EMSY: variants seen among roughly 807,000 people sequenced by gnomAD.
EMSY encodes EMSY transcriptional repressor, BRCA2 interacting, also known as BRCA2-interacting transcriptional repressor EMSY.
In EMSY, 26 loss-of-function variants were observed where a neutral mutation model predicts 134.6. That is an observed-to-expected ratio of 0.19 (90% confidence interval 0.14 to 0.27). EMSY has a LOEUF of 0.27. Among genes scored for constraint, EMSY ranks in the 10% least tolerant of loss-of-function variants. The pLI is 1.00. For missense variants in EMSY, 1,305 were observed against 1,611.4 expected, an observed-to-expected ratio of 0.81 and a Z score of 3.26; for synonymous variants, 579 against 577.8, an observed-to-expected ratio of 1.00 and a Z score of -0.03.
chr11:76,498,717 A>C (rs1004379580), intron 9 of EMSY, among the ~76,000 whole-genome samples: 1 of 152,198 alleles, frequency 6.6e-6, no homozygotes, highest in Non-Finnish European at 1.5e-5. Flanking sequence ...ACTAGCCTGC[A>C]TTAGTATATT....
chr11:76,522,460 C>A (rs776026636), intron 11 of EMSY, among the ~76,000 whole-genome samples: 1 of 138,714 alleles, frequency 7.2e-6, no homozygotes, highest in Non-Finnish European at 1.5e-5. Context: ...CTCCACCTCC[C>A]GGGTTCAAGC....
Position 76,513,930 on chromosome 11 carries a change from C to A in EMSY, c.1513+395C>A, listed in dbSNP as rs145311237. On this transcript the variant is annotated intron_variant, in intron 10 of 20. Coordinates refer to ENST00000334736, the Ensembl canonical transcript of EMSY. Reference sequence around the variant, plus strand: ...CTGAATGAATTAAAACAGTCCCAACCCACAAGGATTTCACTCTGATGAAGT... The same window carrying A: ...CTGAATGAATTAAAACAGTCCCAACACACAAGGATTTCACTCTGATGAAGT... Among the ~76,000 whole-genome samples, 4 of 152,210 alleles carry A rather than the reference C, an allele frequency of 2.6e-5. No individual in the cohort carries two copies. In the East Asian group the frequency reaches 7.7e-4, roughly 29 times the overall value.
chr11:76,450,199 G>C (rs1195857825), intron 2 of EMSY, among the ~76,000 whole-genome samples: 1 of 151,978 alleles, frequency 6.6e-6, no homozygotes, highest in Non-Finnish European at 1.5e-5. Flanking sequence ...TATATATAAT[G>C]GGACTCAATA....
At chr11:76,531,588 A>G (rs1951042550) in intron 14 of EMSY, among the ~76,000 whole-genome samples, 1 of 152,168 alleles carries the variant, frequency 6.6e-6, no homozygotes, top group South Asian at 2.1e-4. Flanking sequence ...TGATGTTAAC[A>G]TTGATCACTT....
At chr11:76,482,718 A>C (rs1012693729) in intron 8 of EMSY, among the ~76,000 whole-genome samples, 4 of 152,166 alleles carry the variant, frequency 2.6e-5, no homozygotes, top group African/African-American at 7.2e-5. Flanking sequence ...GATGAAAAGG[A>C]ATGAACAAAG....
chr11:76,548,601 T>C (rs532908831), intron 20 of EMSY, among the ~76,000 whole-genome samples: 8 of 152,248 alleles, frequency 5.3e-5, no homozygotes, highest in Admixed American at 4.6e-4. Context: ...AGAAGTAGAG[T>C]GACTTACTCA....
At chr11:76,534,304 CTT>C (rs1951148153) in intron 14 of EMSY, among the ~76,000 whole-genome samples, 1 of 152,144 alleles carries the variant, frequency 6.6e-6, no homozygotes, top group Admixed American at 6.6e-5. Flanking sequence ...AATCAATTCT[CTT>C]AAGTTTAAAT....
intron 13 of EMSY, among the ~76,000 whole-genome samples, chr11:76,527,782 A>G (rs1465788730): frequency 6.6e-6 from 1 of 151,936 alleles, no homozygotes; most frequent in Non-Finnish European, 1.5e-5. Context: ...CTAATGAAAA[A>G]AAAAAAGAAA....
chr11:76,514,466 C>A (rs1950378916), intron 10 of EMSY, among the ~76,000 whole-genome samples: 1 of 152,104 alleles, frequency 6.6e-6, no homozygotes, highest in African/African-American at 2.4e-5. Flanking sequence ...CACTTCATAT[C>A]CTTTAGGCTT....
chr11:76,450,984 C>T (rs1406862627), intron 2 of EMSY, among the ~76,000 whole-genome samples: 2 of 149,542 alleles, frequency 1.3e-5, no homozygotes, highest in Non-Finnish European at 3.0e-5. Context: ...TTTTGTACAG[C>T]CAGAGTTTTG....
chr11:76,517,885 A>T (rs924007972), intron 11 of EMSY, among the ~76,000 whole-genome samples: 1 of 152,194 alleles, frequency 6.6e-6, no homozygotes, highest in East Asian at 1.9e-4. Flanking sequence ...TTATGTCTCT[A>T]TCTCTGCTTC....
At chr11:76,526,376 G>A (rs1466553923) in intron 12 of EMSY, 86 bp from the exon 14 acceptor site, 17 of 1,002,374 alleles carry the variant, frequency 1.7e-5, no homozygotes, top group Non-Finnish European at 2.2e-5. Context: ...TCATCATCCT[G>A]GTAAAACCTT....
chr11:76,490,216 G>A (rs865866472), intron 8 of EMSY, among the ~76,000 whole-genome samples: 3 of 145,900 alleles, frequency 2.1e-5, no homozygotes, highest in Admixed American at 6.9e-5. Context: ...TTATTTCCTC[G>A]ACTCGGTAGC....
At chr11:76,538,023 G>T (rs1389998061) in intron 16 of EMSY, 73 bp downstream of exon 17, 5 of 1,297,332 alleles carry the variant, frequency 3.9e-6, no homozygotes, top group African/African-American at 3.0e-5. Context: ...TGATTGTGTG[G>T]GGGAGAATAT....
At chr11:76,457,659 A>G (rs1365381604) in intron 4 of EMSY, among the ~76,000 whole-genome samples, 1 of 152,188 alleles carries the variant, frequency 6.6e-6, no homozygotes, top group Non-Finnish European at 1.5e-5. Context: ...GTTCTTTTCT[A>G]CTTAGGCTCC....
At chr11:76,459,831 C>T (rs1034204014) in intron 5 of EMSY, 102 bp from the exon 7 acceptor site, 11 of 1,358,238 alleles carry the variant, frequency 8.1e-6, no homozygotes, top group Admixed American at 1.9e-5. Flanking sequence ...GACTTCTGAT[C>T]ACATGAAAAT....
chr11:76,493,553 C>A (rs1949510491), intron 8 of EMSY, among the ~76,000 whole-genome samples: 2 of 152,138 alleles, frequency 1.3e-5, no homozygotes, highest in South Asian at 4.1e-4. Context: ...TGCACTTTCT[C>A]CCTTCTGAAC....
At chr11:76,460,504 AT>A (rs1371829600) in intron 6 of EMSY, 1 of 153,064 alleles carries the variant, frequency 6.5e-6, no homozygotes, top group African/African-American at 2.4e-5. Context: ...TCAGTGAAAC[AT>A]TCTAGAGAGC....
intron 17 of EMSY, chr11:76,541,980 T>C (rs764669124): frequency 1.6e-5 from 10 of 608,980 alleles, no homozygotes; most frequent in Non-Finnish European, 2.6e-5. Context: ...ATCTCATCCT[T>C]ATAATAGCTC....
Sources: allele counts gnomAD v4.1 joint callset (sites outside exome capture counted in the v4.1 genomes callset), GRCh38; gene constraint gnomAD v4.1.1; transcripts MANE v1.5; gene names NCBI Gene and HGNC (gene_info 2026-07-23, HGNC 2026-07-21).